Variants in RGS7 observed in about 807,000 individuals in gnomAD.
RGS7 encodes the protein regulator of G-protein signaling 7.
RGS7 carries 27 observed loss-of-function variants against 81.1 expected under a neutral mutation model. That is an observed-to-expected ratio of 0.33 (90% confidence interval 0.25 to 0.46). The LOEUF (loss-of-function observed/expected upper bound fraction) is 0.46. RGS7 is among the 20% of genes least tolerant of loss of function. The pLI is 1.00. For missense variants in RGS7, 396 were observed against 607.4 expected (o/e 0.65, Z 3.66); for synonymous variants, 208 against 207.7 (o/e 1.00, Z -0.01).
At chr1:241,126,589 A>C (rs2066678099) in intron 2 of RGS7, among the ~76,000 whole-genome samples, 1 of 152,204 alleles carries the variant, frequency 6.6e-6, no homozygotes, top group South Asian at 2.1e-4. Flanking sequence ...TTGTTGCCTC[A>C]GCTTCAGCAT....
intron 7 of RGS7, among the ~76,000 whole-genome samples, chr1:240,869,676 G>A (rs1020757275): frequency 1.3e-5 from 2 of 151,894 alleles, no homozygotes; most frequent in Admixed American, 6.6e-5. Flanking sequence ...GTGGTGGCTC[G>A]TGCCTGTAAT....
rs374010616 is a variant in RGS7, at chr1:240,993,348, C to T, written c.176-10219G>A. ...CTGAGCCATTTTACATTCCTACCAG[C>T]GATGTAGGAGTGATTCAGTTTCTTC... is the stretch of plus-strand genomic sequence containing the variant. On this transcript the variant is annotated intron_variant, in intron 3 of 18. Transcript: ENST00000440928. Among the ~76,000 whole-genome samples the T allele has an allele frequency of 6.7e-4, 102 of 152,238 alleles. 2 individuals carry two copies. The South Asian group carries it at 0.018, about 28-fold the overall frequency.
chr1:241,066,173 CCTAACT>C (rs1302120788), intron 3 of RGS7, among the ~76,000 whole-genome samples: 1 of 152,162 alleles, frequency 6.6e-6, no homozygotes, highest in Non-Finnish European at 1.5e-5. Flanking sequence ...TGATATCACT[CCTAACT>C]CTATTTTCAC....
intron 2 of RGS7, among the ~76,000 whole-genome samples, chr1:241,295,171 G>T (rs185217078): frequency 3.3e-5 from 5 of 152,042 alleles, no homozygotes; most frequent in African/African-American, 4.8e-5. Context: ...GTTTGCGGCC[G>T]GGTGCGGTGG....
chr1:240,859,640 T>C (rs559576646), intron 9 of RGS7, among the ~76,000 whole-genome samples: 2 of 152,086 alleles, frequency 1.3e-5, no homozygotes, highest in South Asian at 2.1e-4. Flanking sequence ...TTATTGACTT[T>C]ACTGGTTTTT....
At chr1:241,108,464 T>G (rs1488391962) in intron 2 of RGS7, among the ~76,000 whole-genome samples, 2 of 152,184 alleles carry the variant, frequency 1.3e-5, no homozygotes, top group African/African-American at 4.8e-5. Context: ...TACATTGCAC[T>G]CTTCGGCATG....
chr1:240,870,753 C>T (rs1233993948), intron 6 of RGS7, among the ~76,000 whole-genome samples: 2 of 152,122 alleles, frequency 1.3e-5, no homozygotes, highest in Non-Finnish European at 1.5e-5. Flanking sequence ...ATCTATATAT[C>T]CAAATAAAAT....
chr1:241,268,286 C>T (rs2077694484), intron 2 of RGS7, among the ~76,000 whole-genome samples: 1 of 152,200 alleles, frequency 6.6e-6, no homozygotes, highest in African/African-American at 2.4e-5. Flanking sequence ...GCATTCAGCC[C>T]TGTCTGTCTC....
chr1:241,053,910 G>T (rs1055695262), intron 3 of RGS7, among the ~76,000 whole-genome samples: 8 of 152,152 alleles, frequency 5.3e-5, no homozygotes, highest in African/African-American at 1.9e-4. Context: ...TGCCGTGATT[G>T]TGAGGCCTCC....
At chr1:241,315,990 G>A (rs2080847940) in intron 2 of RGS7, among the ~76,000 whole-genome samples, 1 of 152,072 alleles carries the variant, frequency 6.6e-6, no homozygotes. Flanking sequence ...TTGATATACT[G>A]AATCACATTA....
At chr1:240,875,993 C>T (rs1665345654) in intron 6 of RGS7, among the ~76,000 whole-genome samples, 1 of 152,198 alleles carries the variant, frequency 6.6e-6, no homozygotes, top group South Asian at 2.1e-4. Context: ...TAGCCTCTCT[C>T]TATGATGCTG....
At chr1:241,347,704 C>A (rs1235808702) in intron 2 of RGS7, among the ~76,000 whole-genome samples, 1 of 152,094 alleles carries the variant, frequency 6.6e-6, no homozygotes, top group African/African-American at 2.4e-5. Context: ...TACATGCAGG[C>A]CTTTGTCTTA....
At chr1:240,864,681 T>C (rs1397965641) in intron 9 of RGS7, among the ~76,000 whole-genome samples, 1 of 152,028 alleles carries the variant, frequency 6.6e-6, no homozygotes, top group African/African-American at 2.4e-5. Context: ...GAGAGAGGGG[T>C]CATAGATTAG....
chr1:241,200,364 C>T lies in RGS7; in HGVS notation c.79-101602G>A, dbSNP rs574814028. On this transcript the variant is annotated intron_variant, in intron 2 of 18. Transcript: ENST00000440928. ...ACTTATTTATATCTTAAAGGTACTG[C>T]TCAATGAATTTTCACAAACTAAACA... Among the ~76,000 whole-genome samples, 108 of 152,178 alleles carry T rather than the reference C, an allele frequency of 7.1e-4. 1 individual carries two copies. The highest frequency in any genetic ancestry group is 2.3e-3 in the African/African-American group (95 of 41,518).
At chr1:240,906,136 C>T (rs1670771601) in intron 6 of RGS7, among the ~76,000 whole-genome samples, 1 of 152,120 alleles carries the variant, frequency 6.6e-6, no homozygotes, top group Non-Finnish European at 1.5e-5. Flanking sequence ...AGACTAGGAA[C>T]TCTAAGCAAA....
At chr1:241,047,178 C>T (rs896540704) in intron 3 of RGS7, among the ~76,000 whole-genome samples, 10 of 152,122 alleles carry the variant, frequency 6.6e-5, no homozygotes, top group South Asian at 2.1e-4. Flanking sequence ...ACTGAATCCA[C>T]GTATCTCCGT....
intron 6 of RGS7, 102 bp from the exon 7 acceptor site, chr1:240,870,221 G>T: frequency 2.0e-6 from 2 of 989,262 alleles, no homozygotes; most frequent in Non-Finnish European, 3.2e-6. Context: ...TTTTTCCCAA[G>T]TTGTAATTTT....
intron 4 of RGS7, among the ~76,000 whole-genome samples, chr1:240,975,199 C>T (rs1392169034): frequency 2.6e-5 from 4 of 152,034 alleles, no homozygotes; most frequent in African/African-American, 7.2e-5. Flanking sequence ...GTCAAGAGAT[C>T]GAGACCATCC....
intron 3 of RGS7, among the ~76,000 whole-genome samples, chr1:241,059,270 A>G (rs979649297): frequency 6.6e-6 from 1 of 152,216 alleles, no homozygotes; most frequent in African/African-American, 2.4e-5. Context: ...TCCCACACAT[A>G]TGCTAAGGAT....
Sources: allele counts gnomAD v4.1 joint callset (sites outside exome capture counted in the v4.1 genomes callset), GRCh38; gene constraint gnomAD v4.1.1; transcripts MANE v1.5; gene names NCBI Gene and HGNC (gene_info 2026-07-23, HGNC 2026-07-21).